Variants in EVC observed in about 807,000 individuals in gnomAD.
The protein encoded by EVC is evC complex member EVC.
A neutral mutation model predicts 118.9 loss-of-function variants in EVC; 116 were observed. The ratio of observed to expected loss-of-function variants is 0.98; its 90% CI spans 0.84 to 1.14. The LOEUF (loss-of-function observed/expected upper bound fraction) is 1.14, where lower values mean the gene tolerates loss of function less well. EVC is among the 50% of genes most tolerant of loss of function. The probability of loss-of-function intolerance (pLI) is 0.00; values close to 1 mark genes in which losing one functional copy is unlikely to be tolerated. For synonymous variants in EVC, 619 were observed against 534.7 expected, an observed-to-expected ratio of 1.16 and a Z score of -2.18; for missense variants, 1,401 against 1,246.4, an observed-to-expected ratio of 1.12 and a Z score of -1.87.
At chr4:5,711,771 C>G (rs1723069086) in intron 1 of EVC, among the ~76,000 whole-genome samples, 1 of 152,212 alleles carries the variant, frequency 6.6e-6, no homozygotes, top group Non-Finnish European at 1.5e-5. Flanking sequence ...CCTGTTACAT[C>G]CCACTCCGTT....
intron 19 of EVC, among the ~76,000 whole-genome samples, chr4:5,809,932 G>A (rs750487222): frequency 1.2e-4 from 18 of 152,220 alleles, no homozygotes; most frequent in Admixed American, 3.3e-4. Context: ...TGACATCACA[G>A]GATTTTTTAA....
chr4:5,719,468 G>C lies in EVC; in HGVS notation c.300+95G>C, dbSNP rs1285748402. ...GTGTCATGTAGACAAGCCTCTGACA[G>C]ATATAGTTTCCCAATGGGCTGCTTT... is the stretch of plus-strand genomic sequence containing the variant. On this transcript the variant is annotated intron_variant, in intron 2 of 20. Coordinates refer to ENST00000264956, the MANE Select transcript of EVC (RefSeq NM_153717.3). The surrounding 1 kb of genome is among the most constrained non-coding windows in gnomAD (Gnocchi z 4.7). The C allele has an allele frequency of 6.3e-7, 1 of 1,584,540 alleles. No homozygotes were observed. Among genetic ancestry groups the C allele is most frequent in the Non-Finnish European group, 8.6e-7 (1 of 1,156,360 alleles).
At chr4:5,759,915 A>G (rs115811331) in intron 11 of EVC, among the ~76,000 whole-genome samples, 2,376 of 152,274 alleles carry the variant, frequency 0.016, 87 homozygotes, top group African/African-American at 0.055. Context: ...AGGAGACATC[A>G]ATCGGTACAT....
intron 12 of EVC, 87 bp from the exon 13 acceptor site, chr4:5,793,521 A>C (rs968558064): frequency 8.6e-7 from 1 of 1,160,556 alleles, no homozygotes; most frequent in Admixed American, 2.0e-5. Context: ...ACGCACACAA[A>C]CAAGAAACAA....
At chr4:5,796,095 C>T (rs1048458228) in intron 13 of EVC, among the ~76,000 whole-genome samples, 1 of 152,162 alleles carries the variant, frequency 6.6e-6, no homozygotes, top group African/African-American at 2.4e-5. Flanking sequence ...GGTGCTAAAC[C>T]CATCTCCTGA....
chr4:5,734,118 A>G (rs1727295486), intron 5 of EVC, among the ~76,000 whole-genome samples: 1 of 152,182 alleles, frequency 6.6e-6, no homozygotes. Context: ...AGCCAGAGAG[A>G]GGAGTCCCAC....
intron 16 of EVC, 28 bp from the exon 17 acceptor site, chr4:5,804,702 C>A: frequency 6.2e-7 from 1 of 1,605,742 alleles, no homozygotes; most frequent in Non-Finnish European, 8.5e-7. Context: ...AAACAGACCC[C>A]TTGATTGTCC....
In EVC at chr4:5,738,781, G is replaced by A. The variant is rs1728073118; in HGVS notation, c.703-2935G>A. Among the ~76,000 whole-genome samples the A allele has an allele frequency of 6.6e-6, 1 of 151,882 alleles. No individual in the cohort carries two copies. Among genetic ancestry groups the A allele is most frequent in the African/African-American group, 2.4e-5 (1 of 41,326 alleles). On this transcript the variant is annotated intron_variant, in intron 5 of 20. Coordinates refer to ENST00000264956, the MANE Select transcript of EVC (RefSeq NM_153717.3). The surrounding 1 kb of genome is among the most constrained non-coding windows in gnomAD (Gnocchi z 6.5). Reference sequence around the variant, plus strand: ...GGGGTTTCACCATGTTGGCCAGGATGGGTCTCAATCTCTTGACCTTGTGAT... The same window carrying A: ...GGGGTTTCACCATGTTGGCCAGGATAGGTCTCAATCTCTTGACCTTGTGAT...
rs1223467558 is a variant in EVC at position 5,763,617 on chromosome 4, A to G, written c.1563+7255A>G. 4.2e-5 allele frequency among the ~76,000 whole-genome samples: 5 copies of G among 120,248 alleles called. 1 individual carries two copies. The highest frequency in any genetic ancestry group is 1.3e-4 in the African/African-American group (4 of 31,300). The allele number at this position is 120,248 out of a possible 152,430, so 78.9% of individuals were successfully genotyped here. On this transcript the variant is annotated intron_variant, in intron 11 of 20. Coordinates refer to ENST00000264956, the MANE Select transcript of EVC (RefSeq NM_153717.3). ...AGTTCTCCTTGAAGAGGTCCTTCAC[A>G]TCCCTTGTAAGTAGGATTCCTAGAT...
intron 2 of EVC, among the ~76,000 whole-genome samples, chr4:5,726,374 A>G (rs1036377723): frequency 6.6e-6 from 1 of 152,116 alleles, no homozygotes; most frequent in African/African-American, 2.4e-5. Flanking sequence ...CACTGACTTT[A>G]CAAAGTGCAG....
chr4:5,817,212 A>G (rs1345226816), downstream of EVC, among the ~76,000 whole-genome samples: 1 of 152,162 alleles, frequency 6.6e-6, no homozygotes, highest in African/African-American at 2.4e-5. Flanking sequence ...TTCCAAATAC[A>G]GTGGCCTGGA....
chr4:5,767,778 C>T (rs939367614), intron 11 of EVC, among the ~76,000 whole-genome samples: 2 of 152,164 alleles, frequency 1.3e-5, no homozygotes, highest in Non-Finnish European at 2.9e-5. Context: ...GTGCGCTGCA[C>T]CCACTGACCT....
intron 11 of EVC, among the ~76,000 whole-genome samples, chr4:5,777,836 TTTG>T (rs5855887): frequency 3.3e-5 from 5 of 151,362 alleles, no homozygotes; most frequent in Admixed American, 6.6e-5. Flanking sequence ...AATGAAATTT[TTTG>T]TTGTTGTTGT....
chr4:5,727,511 A>G (rs1726055192), intron 2 of EVC, among the ~76,000 whole-genome samples: 1 of 152,076 alleles, frequency 6.6e-6, no homozygotes, highest in Non-Finnish European at 1.5e-5. Context: ...ATGTTCTCCC[A>G]TTTTGTAGGT....
rs924198610 is a variant in EVC, at chr4:5,731,340, C to T, written c.385-85C>T. The stretch of plus-strand genomic sequence containing the variant: ...GGCAGACCTTCCTGTGAGCGGCTAG[C>T]GTGAATCACTGGTAGAATTATGAAT... On this transcript the variant is annotated intron_variant, in intron 3 of 20. Coordinates refer to ENST00000264956, the MANE Select transcript of EVC (RefSeq NM_153717.3). This position sits in a 1 kb window ranked among gnomAD's most constrained non-coding sequence, Gnocchi z 5.6. The T allele has an allele frequency of 2.7e-5, 32 of 1,169,392 alleles. 1 individual carries two copies. The highest frequency in any genetic ancestry group is 1.9e-4 in the Admixed American group (11 of 59,458). 72.4% of individuals were successfully genotyped at this position (1,169,392 alleles called of 1,614,324 possible). A position where few individuals can be genotyped will look rare whatever the true frequency, so the allele number is the denominator to read the frequency against.
chr4:5,748,586 AT>A, intron 8 of EVC, among the ~76,000 whole-genome samples: 1 of 129,786 alleles, frequency 7.7e-6, no homozygotes, highest in Non-Finnish European at 1.7e-5. Flanking sequence ...CCATCCACCC[AT>A]CCATCCATCC....
At position 5,809,537 on chromosome 4, in the gene EVC, T is replaced by A; in HGVS notation, c.2708T>A (p.Ile903Asn). 1 of 1,614,172 alleles carries A rather than the reference T, an allele frequency of 6.2e-7. No individual in the cohort carries two copies. Among genetic ancestry groups the A allele is most frequent in the Non-Finnish European group, 8.5e-7 (1 of 1,180,044 alleles). ...TTTCAGGAAGCTGAACAGAACTTCA[T>A]CTCCGAGCTGGCAGCCTTGGCCCGA... ...TQLQEAEQNF[I>N]SELAALARVP... The change falls in exon 19 of 21, where the codon ATC (isoleucine) becomes AAC (asparagine). Residue 903 changes from isoleucine to asparagine, a missense_variant. Coordinates refer to ENST00000264956, the MANE Select transcript of EVC (RefSeq NM_153717.3).
At position 5,727,376 on chromosome 4, in the gene EVC, A is replaced by C. The variant is rs568215036; in HGVS notation, c.301-1931A>C. 2.0e-5 allele frequency among the ~76,000 whole-genome samples: 3 copies of C among 152,184 alleles called. No individual in the cohort carries two copies. In the South Asian group the frequency reaches 6.2e-4, roughly 32 times the overall value. On this transcript the variant is annotated intron_variant, in intron 2 of 20. Transcript: ENST00000264956. ...TTGGCTGCATCAATGTCTTCTTTTG[A>C]GAAGTGTCTGTTCATGTCCTTCGCC...
At chr4:5,717,828 A>G (rs1257339060) in intron 1 of EVC, among the ~76,000 whole-genome samples, 1 of 151,774 alleles carries the variant, frequency 6.6e-6, no homozygotes, top group Non-Finnish European at 1.5e-5. Context: ...CCCACCCTCC[A>G]CTGTTACTCT....
Sources: gnomAD v4.1 joint callset for allele counts (sites outside exome capture counted in the v4.1 genomes callset) on GRCh38, gnomAD v4.1.1 for gene constraint, Gnocchi (gnomAD v3.1) non-coding constraint, MANE v1.5 for transcripts, NCBI Gene and HGNC (gene_info 2026-07-23, HGNC 2026-07-21) for gene names.